The following CNBD1 variants were observed in gnomAD, a reference collection of about 807,000 sequenced individuals.
The protein encoded by CNBD1 is cyclic nucleotide-binding domain-containing protein 1.
In CNBD1, 71 loss-of-function variants were observed where a neutral mutation model predicts 54.4. That is an observed-to-expected ratio of 1.30 (90% CI 1.08 to 1.59). The LOEUF is 1.59. CNBD1 is among the 40% of genes most tolerant of loss of function. CNBD1 has a pLI of 0.00. For synonymous variants in CNBD1, 182 were observed against 170.7 expected, an observed-to-expected ratio of 1.07 and a Z score of -0.51; for missense variants, 659 against 518.0, an observed-to-expected ratio of 1.27 and a Z score of -2.64.
At chr8:87,044,148 T>A (rs565512985) in intron 4 of CNBD1, among the ~76,000 whole-genome samples, 1 of 152,334 alleles carries the variant, frequency 6.6e-6, no homozygotes, top group East Asian at 1.9e-4. Flanking sequence ...CAGAAGCATA[T>A]TTACATTGAA....
At chr8:86,923,361 C>T (rs7016229) in intron 3 of CNBD1, among the ~76,000 whole-genome samples, 45,248 of 152,100 alleles carry the variant, frequency 0.3, 6,964 homozygotes, top group East Asian at 0.39. Flanking sequence ...AGGGCACCTT[C>T]CCTTTCTATC....
intron 4 of CNBD1, among the ~76,000 whole-genome samples, chr8:87,072,740 A>T (rs546124248): frequency 2.0e-5 from 3 of 146,518 alleles, no homozygotes; most frequent in East Asian, 2.0e-4. Context: ...TGCCCTTGAT[A>T]TTTTTTTTTC....
chr8:87,006,862 T>C (rs1809109664), intron 4 of CNBD1, among the ~76,000 whole-genome samples: 3 of 152,270 alleles, frequency 2.0e-5, no homozygotes, highest in Non-Finnish European at 4.4e-5. Flanking sequence ...TTAAACATTA[T>C]GACTTTCTTA....
At chr8:87,217,764 T>C (rs995384915) in intron 5 of CNBD1, among the ~76,000 whole-genome samples, 2 of 152,036 alleles carry the variant, frequency 1.3e-5, no homozygotes, top group Admixed American at 1.3e-4. Flanking sequence ...ATTCTCAAGA[T>C]TGACTGGCTT....
At chr8:87,050,813 G>A (rs770956467) in intron 4 of CNBD1, among the ~76,000 whole-genome samples, 1 of 152,186 alleles carries the variant, frequency 6.6e-6, no homozygotes, top group African/African-American at 2.4e-5. Context: ...ATTGGATGTT[G>A]CAGGGGCTGT....
chr8:86,964,536 A>G (rs1445523355), intron 4 of CNBD1, among the ~76,000 whole-genome samples: 2 of 152,210 alleles, frequency 1.3e-5, no homozygotes, highest in African/African-American at 2.4e-5. Flanking sequence ...TGGAAGGCCA[A>G]TATATGCCTG....
intron 6 of CNBD1, among the ~76,000 whole-genome samples, chr8:87,272,176 A>G (rs2130858901): frequency 6.6e-6 from 1 of 152,088 alleles, no homozygotes; most frequent in South Asian, 2.1e-4. Flanking sequence ...TTTGATCAGT[A>G]GGATGATTAT....
chr8:87,162,947 G>A (rs527494520), intron 4 of CNBD1, among the ~76,000 whole-genome samples: 163 of 152,028 alleles, frequency 1.1e-3, no homozygotes, highest in Non-Finnish European at 1.6e-3. Context: ...AGACTTGATA[G>A]AAAGAGTTTG....
At chr8:87,168,279 G>GT (rs1332683426) in intron 4 of CNBD1, among the ~76,000 whole-genome samples, 1 of 151,776 alleles carries the variant, frequency 6.6e-6, no homozygotes, top group African/African-American at 2.4e-5. Flanking sequence ...ATTTAAATTA[G>GT]TTTTTTATTT....
At chr8:87,305,230 A>T (rs1341760807) in intron 8 of CNBD1, among the ~76,000 whole-genome samples, 1 of 152,190 alleles carries the variant, frequency 6.6e-6, no homozygotes, top group East Asian at 1.9e-4. Flanking sequence ...AAGGAAAACT[A>T]CCAAACACTG....
At chr8:87,404,300 T>C (rs190033818) in intron 2 of CNBD1, among the ~76,000 whole-genome samples, 1 of 152,172 alleles carries the variant, frequency 6.6e-6, no homozygotes, top group Admixed American at 6.6e-5. Context: ...ACTGTAACAA[T>C]TCCAAAAGTG....
chr8:87,383,297 T>C (rs1811120535), downstream of CNBD1, among the ~76,000 whole-genome samples: 1 of 151,950 alleles, frequency 6.6e-6, no homozygotes, highest in Non-Finnish European at 1.5e-5. Context: ...TCAGTTTATC[T>C]TTTCATCAGA....
At chr8:87,305,143 A>T (rs1199001923) in intron 8 of CNBD1, among the ~76,000 whole-genome samples, 1 of 152,110 alleles carries the variant, frequency 6.6e-6, no homozygotes, top group Non-Finnish European at 1.5e-5. Flanking sequence ...TCGAGAACTC[A>T]ACACCTTTTA....
intron 4 of CNBD1, among the ~76,000 whole-genome samples, chr8:87,106,881 G>T (rs1229563889): frequency 6.6e-6 from 1 of 152,042 alleles, no homozygotes; most frequent in Non-Finnish European, 1.5e-5. Flanking sequence ...CCAGGCTGGA[G>T]TGCAGTGGTG....
At chr8:87,008,860 A>C (rs1809157141) in intron 4 of CNBD1, among the ~76,000 whole-genome samples, 1 of 152,214 alleles carries the variant, frequency 6.6e-6, no homozygotes, top group Non-Finnish European at 1.5e-5. Flanking sequence ...TTGCTTGGGT[A>C]CAAAAAAGGA....
chr8:87,282,689 A>T (rs1808621052), intron 6 of CNBD1, among the ~76,000 whole-genome samples: 1 of 152,022 alleles, frequency 6.6e-6, no homozygotes, highest in South Asian at 2.1e-4. Context: ...TTTTTAATTA[A>T]TTGAGAAAGA....
chr8:87,083,771 G>C (rs1811044992), intron 4 of CNBD1, among the ~76,000 whole-genome samples: 1 of 151,794 alleles, frequency 6.6e-6, no homozygotes, highest in African/African-American at 2.4e-5. Context: ...TGTGTTTTTA[G>C]TAGAGACAGG....
chr8:87,307,543 G>C (rs1053969928), intron 8 of CNBD1, among the ~76,000 whole-genome samples: 1 of 152,064 alleles, frequency 6.6e-6, no homozygotes, highest in Admixed American at 6.6e-5. Flanking sequence ...TTCAAGACCA[G>C]CCTGGACAAC....
At chr8:86,917,393 C>A (rs1430004080) in intron 3 of CNBD1, among the ~76,000 whole-genome samples, 1 of 152,116 alleles carries the variant, frequency 6.6e-6, no homozygotes, top group African/African-American at 2.4e-5. Flanking sequence ...TTGGGCTCAA[C>A]AGAACATTCA....
Sources: gnomAD v4.1 joint callset for allele counts (sites outside exome capture counted in the v4.1 genomes callset) on GRCh38, gnomAD v4.1.1 for gene constraint, MANE v1.5 for transcripts, NCBI Gene and HGNC (gene_info 2026-07-23, HGNC 2026-07-21) for gene names.